The following ASIC4 variants were observed in gnomAD, a reference collection of about 807,000 sequenced individuals.
The protein encoded by ASIC4 is acid-sensing ion channel 4.
ASIC4 carries 28 observed loss-of-function variants against 53.4 expected under a neutral mutation model. The observed-to-expected ratio is 0.52, with a 90% CI of 0.39 to 0.72. The LOEUF is 0.72. Ranked by LOEUF, ASIC4 falls within the 30% of genes least tolerant of loss-of-function variation. The pLI is 0.00. For synonymous variants in ASIC4, 289 were observed against 301.4 expected, an observed-to-expected ratio of 0.96 and a Z score of 0.43; for missense variants, 649 against 729.7, an observed-to-expected ratio of 0.89 and a Z score of 1.27.
upstream of ASIC4, among the ~76,000 whole-genome samples, chr2:219,512,364 A>G (rs2125649732): frequency 6.6e-6 from 1 of 152,172 alleles, no homozygotes; most frequent in East Asian, 1.9e-4. Context: ...ATATGTATGC[A>G]CTCCAGGGTA....
chr2:219,516,128 T>TCTCA lies in ASIC4; in HGVS notation c.582+829_582+832dup, dbSNP rs752892497. Reference sequence around the variant, plus strand: ...GACACAGTTTCCTGCACACTCCCTCTCTCACTCACTGTCCCTGTCACTACA... The same window carrying TCTCA: ...GACACAGTTTCCTGCACACTCCCTCTCTCACTCACTCACTGTCCCTGTCACTACA... On this transcript the variant is annotated intron_variant, in intron 1 of 9. Coordinates refer to ENST00000358078, the MANE Select transcript of ASIC4 (RefSeq NM_018674.6). This position sits in a 1 kb window ranked among gnomAD's most constrained non-coding sequence, Gnocchi z 4.9. Among the ~76,000 whole-genome samples the TCTCA allele has an allele frequency of 6.6e-6, 1 of 151,756 alleles. No individual in the cohort carries two copies. Among genetic ancestry groups the TCTCA allele is most frequent in the African/African-American group, 2.4e-5 (1 of 41,262 alleles).
In ASIC4 at chr2:219,536,779, AAGG is replaced by A. The variant is rs373251858; in HGVS notation, c.1230-280_1230-278del. Among the ~76,000 whole-genome samples the A allele has an allele frequency of 2.9e-3, 439 of 151,746 alleles. 1 individual carries two copies. Among genetic ancestry groups the A allele is most frequent in the African/African-American group, 9.9e-3 (410 of 41,364 alleles). ...GTCACTGAAGGGTCCGCAGAGGCGTAAGGAGGAGGCAAAGGCAACACCACTGGC... is the reference window on the plus strand; with the variant it reads ...GTCACTGAAGGGTCCGCAGAGGCGTAAGGAGGCAAAGGCAACACCACTGGC... On this transcript the variant is annotated intron_variant, in intron 6 of 9. Transcript: ENST00000358078. The surrounding 1 kb of genome is among the most constrained non-coding windows in gnomAD (Gnocchi z 4.6).
chr2:219,537,958 T>G lies in ASIC4; in HGVS notation c.1532T>G (p.Val511Gly). 6.2e-7 allele frequency: 1 copy of G among 1,610,344 alleles called. No individual in the cohort carries two copies. Among genetic ancestry groups the G allele is most frequent in the Non-Finnish European group, 8.5e-7 (1 of 1,178,368 alleles). Reference protein sequence around the residue: ...EQSPCPSRGRVEGGGVSSLLP... With the variant: ...EQSPCPSRGRGEGGGVSSLLP... ...AGTCCCTGCCCGAGCCGGGGCCGAG[T>G]GGAGGGTGGGGGGGTCAGCAGTCTG... The change falls in exon 10 of 10, where the codon GTG becomes GGG. Residue 511 changes from valine (V) to glycine (G), a missense_variant. Val to Gly is a moderately radical substitution (Grantham distance 109). Coordinates refer to ENST00000358078, the MANE Select transcript of ASIC4 (RefSeq NM_018674.6). This position sits in a 1 kb window ranked among gnomAD's most constrained non-coding sequence, Gnocchi z 4.9.
At chr2:219,510,334 T>A (rs1254475448), upstream of ASIC4, among the ~76,000 whole-genome samples, 1 of 151,946 alleles carries the variant, frequency 6.6e-6, no homozygotes, top group Non-Finnish European at 1.5e-5. The surrounding 1 kb of genome is among the most constrained non-coding windows in gnomAD (Gnocchi z 5.2). Context: ...CTCTCTCCGC[T>A]CTCTGACCAG....
rs771952448 is a variant in ASIC4 at position 219,515,175 on chromosome 2, C to A, written c.451C>A (p.Arg151Ser). Residue 151 changes from arginine to serine, a missense_variant, in exon 1 of 10, where the codon CGT becomes AGT. Arg to Ser is a moderately radical substitution (Grantham distance 110). Transcript: ENST00000358078. ...GCCCCCCAAAGACCGGGATGGGCACCGTGCGGCTGGCCTGCGCTACCCAGA... is the reference window on the plus strand; with the variant it reads ...GCCCCCCAAAGACCGGGATGGGCACAGTGCGGCTGGCCTGCGCTACCCAGA... ...GLPPKDRDGH[R>S]AAGLRYPEPD... The A allele has an allele frequency of 2.5e-6, 4 of 1,614,212 alleles. No individual in the cohort carries two copies. In the Admixed American group the frequency reaches 6.7e-5, roughly 27 times the overall value.
chr2:219,535,071 G>A (rs930403801), intron 5 of ASIC4, 100 bp from the exon 6 acceptor site: 1 of 1,492,800 alleles, frequency 6.7e-7, no homozygotes, highest in Non-Finnish European at 9.0e-7. Flanking sequence ...GTGTGGGTGT[G>A]CCTGCCTCAG....
Position 219,537,714 on chromosome 2 carries a change from G to T in ASIC4, c.1484G>T (p.Gly495Val), listed in dbSNP as rs144122966. ...RTSTGGISTL[G>V]LQELKEQSPC... ...TCCACTGGGGGCATCTCCACTTTGGGGCTTCAGGAGCTGAAGGAACAGGTG... is the reference window on the plus strand; with the variant it reads ...TCCACTGGGGGCATCTCCACTTTGGTGCTTCAGGAGCTGAAGGAACAGGTG... Residue 495 changes from glycine (G) to valine (V), a missense_variant, in exon 9 of 10, where the codon GGG (glycine) becomes GTG (valine). Physicochemically the swap from Gly to Val is moderately radical, Grantham distance 109 (BLOSUM62 -3). Transcript: ENST00000358078. This position sits in a 1 kb window ranked among gnomAD's most constrained non-coding sequence, Gnocchi z 4.9. The T allele has an allele frequency of 6.2e-7, 1 of 1,613,904 alleles. No homozygotes were observed. Among genetic ancestry groups the T allele is most frequent in the Non-Finnish European group, 8.5e-7 (1 of 1,179,892 alleles).
chr2:219,514,649 CGGGAGGGCACCA>C lies in ASIC4; in HGVS notation c.-72_-61del. ...AGCAGCCGCTGCCACCACTGCCACTCGGGAGGGCACCAGGGCTGCTGGCTAGGGAGGGACAGG... is the reference window on the plus strand; with the variant it reads ...AGCAGCCGCTGCCACCACTGCCACTCGGGCTGCTGGCTAGGGAGGGACAGG... On this transcript the variant is annotated 5_prime_UTR_variant, in exon 1 of 10. Transcript: ENST00000358078. 6.2e-7 allele frequency: 1 copy of C among 1,612,586 alleles called. No homozygotes were observed. Among genetic ancestry groups the C allele is most frequent in the Non-Finnish European group, 8.5e-7 (1 of 1,179,448 alleles).
At chr2:219,509,798 C>T (rs112424119), upstream of ASIC4, among the ~76,000 whole-genome samples, 12 of 152,236 alleles carry the variant, frequency 7.9e-5, no homozygotes, top group Admixed American at 2.6e-4. The surrounding 1 kb of genome is among the most constrained non-coding windows in gnomAD (Gnocchi z 5.2). Flanking sequence ...CTGGGCACTA[C>T]AAGGTCTCGG....
At chr2:219,521,437 C>T (rs533755209) in intron 1 of ASIC4, among the ~76,000 whole-genome samples, 1 of 152,236 alleles carries the variant, frequency 6.6e-6, no homozygotes, top group Non-Finnish European at 1.5e-5. Context: ...CACCCCTGCC[C>T]TTCTGCTTCT....
intron 1 of ASIC4, among the ~76,000 whole-genome samples, chr2:219,522,170 A>G (rs1391803962): frequency 1.3e-5 from 2 of 152,172 alleles, no homozygotes; most frequent in Non-Finnish European, 2.9e-5. Flanking sequence ...AGAGATAGGC[A>G]CGGGCTGCAG....
rs377611486 is a variant in ASIC4, at chr2:219,514,589, C to T, written c.-136C>T. 19 of 1,591,260 alleles carry T rather than the reference C, an allele frequency of 1.2e-5. No individual in the cohort carries two copies. Among genetic ancestry groups the T allele is most frequent in the Admixed American group, 5.3e-5 (3 of 56,440 alleles). On this transcript the variant is annotated 5_prime_UTR_variant, in exon 1 of 10. Transcript: ENST00000358078. ...CCCCCACCTCGGGCCCCCACCCTGT[C>T]CCTGTCCTCTTCCCGCTTGCCCTGA...
intron 2 of ASIC4, 23 bp from the exon 3 acceptor site, chr2:219,531,978 A>G: frequency 6.2e-7 from 1 of 1,613,852 alleles, no homozygotes; most frequent in Admixed American, 1.7e-5. Flanking sequence ...GGGTTTCCAA[A>G]GGTCCCCATC....
At chr2:219,521,606 G>A (rs986118437) in intron 1 of ASIC4, among the ~76,000 whole-genome samples, 4 of 152,208 alleles carry the variant, frequency 2.6e-5, no homozygotes, top group Non-Finnish European at 5.9e-5. Flanking sequence ...TCCCCGAGTC[G>A]TCAGTGGGTC....
At position 219,538,084 on chromosome 2, in the gene ASIC4, C is replaced by G. The variant is rs113712758; in HGVS notation, c.*38C>G. ...ACTGAAAGGACCCAGGAGTCTGGGACCCCTCCTGGGATCCCCAGCACATTC... is the reference window on the plus strand; with the variant it reads ...ACTGAAAGGACCCAGGAGTCTGGGAGCCCTCCTGGGATCCCCAGCACATTC... On this transcript the variant is annotated 3_prime_UTR_variant, in exon 10 of 10. Coordinates refer to ENST00000358078, the MANE Select transcript of ASIC4 (RefSeq NM_018674.6). 3,191 of 1,511,748 alleles carry G rather than the reference C, an allele frequency of 2.1e-3. 43 individuals are homozygous for G. The African/African-American group carries it at 0.039, about 19-fold the overall frequency. 93.6% of individuals were successfully genotyped at this position (1,511,748 alleles called of 1,614,324 possible).
At position 219,537,021 on chromosome 2, in the gene ASIC4, C is replaced by T. The variant is rs1252585804; in HGVS notation, c.1230-45C>T. 1.3e-6 allele frequency: 2 copies of T among 1,570,312 alleles called. No homozygotes were observed. The highest frequency in any genetic ancestry group is 3.4e-5 in the Admixed American group (2 of 59,360). On this transcript the variant is annotated intron_variant, in intron 6 of 9. Coordinates refer to ENST00000358078, the MANE Select transcript of ASIC4 (RefSeq NM_018674.6). The surrounding 1 kb of genome is among the most constrained non-coding windows in gnomAD (Gnocchi z 4.9). ...TCCAGGATGCCCCTGCCAGCCTTCTCAGGAAGAGAGGCCCACACGGATACC... is the reference window on the plus strand; with the variant it reads ...TCCAGGATGCCCCTGCCAGCCTTCTTAGGAAGAGAGGCCCACACGGATACC...
chr2:219,534,631 T>C (rs1052750264), intron 5 of ASIC4, among the ~76,000 whole-genome samples: 8 of 152,120 alleles, frequency 5.3e-5, no homozygotes, highest in East Asian at 1.9e-4. Flanking sequence ...ATCAGCCTCA[T>C]AGGGTGCAGA....
chr2:219,519,365 T>TGGTTTCC (rs1694851224), intron 1 of ASIC4, among the ~76,000 whole-genome samples: 1 of 152,228 alleles, frequency 6.6e-6, no homozygotes, highest in African/African-American at 2.4e-5. Flanking sequence ...CACCACCTAC[T>TGGTTTCC]GGTTTCCGAC....
At position 219,538,267 on chromosome 2, in the gene ASIC4, GACCA is replaced by G. The variant is rs1422592764; in HGVS notation, c.*222_*225del. 1 of 571,062 alleles carries G rather than the reference GACCA, an allele frequency of 1.8e-6. No individual in the cohort carries two copies. Among genetic ancestry groups the G allele is most frequent in the Non-Finnish European group, 3.1e-6 (1 of 321,598 alleles). 35.4% of individuals were successfully genotyped at this position (571,062 alleles called of 1,614,324 possible). A position where few individuals can be genotyped will look rare whatever the true frequency, so the allele number is the denominator to read the frequency against. ...AGGCTGGTGCCCCGGGAGGGCTGGA[GACCA>G]GGCCATGGGCCCTCACGGAGAGGAA... On this transcript the variant is annotated 3_prime_UTR_variant, in exon 10 of 10. Coordinates refer to ENST00000358078, the MANE Select transcript of ASIC4 (RefSeq NM_018674.6).
Sources: allele counts gnomAD v4.1 joint callset (sites outside exome capture counted in the v4.1 genomes callset), GRCh38; gene constraint gnomAD v4.1.1; non-coding constraint Gnocchi (gnomAD v3.1); transcripts MANE v1.5; gene names NCBI Gene and HGNC (gene_info 2026-07-23, HGNC 2026-07-21).